MYBPC1: variants seen among roughly 807,000 people sequenced by gnomAD.
MYBPC1 encodes the protein myosin-binding protein C, slow-type.
A neutral mutation model predicts 147.1 loss-of-function variants in MYBPC1; 52 were observed. The ratio of observed to expected loss-of-function variants is 0.35; its 90% confidence interval spans 0.28 to 0.45. The LOEUF is 0.45. Among genes scored for constraint, MYBPC1 ranks in the 20% least tolerant of loss-of-function variants. The pLI, the probability that MYBPC1 is intolerant of heterozygous loss-of-function variation, is 1.00. For missense variants in MYBPC1, 1,228 were observed against 1,440.3 expected (o/e 0.85, Z 2.39); for synonymous variants, 477 against 475.9 (o/e 1.00, Z -0.03).
chr12:101,688,036 T>G (rs778363385), downstream of MYBPC1, among the ~76,000 whole-genome samples: 1 of 152,192 alleles, frequency 6.6e-6, no homozygotes, highest in Non-Finnish European at 1.5e-5. Flanking sequence ...TACTATTGGT[T>G]TTTCTATAAT....
intron 2 of MYBPC1, among the ~76,000 whole-genome samples, chr12:101,615,372 T>C (rs1280651343): frequency 6.6e-6 from 1 of 152,052 alleles, no homozygotes; most frequent in Admixed American, 6.5e-5. Flanking sequence ...TCTTCCTCCT[T>C]GAAAAGGATG....
chr12:101,673,248 C>A (rs1015093117), intron 24 of MYBPC1, among the ~76,000 whole-genome samples, 179 bp from the exon 25 acceptor site: 1 of 152,122 alleles, frequency 6.6e-6, no homozygotes, highest in Admixed American at 6.5e-5. Flanking sequence ...AAGGTAGTGC[C>A]TTGCACATAA....
rs112258762 is a variant in MYBPC1 at position 101,663,230 on chromosome 12, A to G, written c.2222-196A>G. On this transcript the variant is annotated intron_variant, in intron 21 of 31. Coordinates refer to ENST00000361466, the MANE Select transcript of MYBPC1 (RefSeq NM_002465.4). ...CTCAATTTGGAAAAAAATCCATGAC[A>G]GCATTTCCAAAATTCTCACATTGAT... 1.9e-3 allele frequency among the ~76,000 whole-genome samples: 293 copies of G among 152,308 alleles called. 5 individuals carry two copies. Among genetic ancestry groups the G allele is most frequent in the African/African-American group, 6.7e-3 (280 of 41,554 alleles).
intron 6 of MYBPC1, 121 bp downstream of exon 6, chr12:101,629,665 G>A (rs1392945961): frequency 1.4e-6 from 1 of 736,846 alleles, no homozygotes; most frequent in Non-Finnish European, 2.4e-6. Flanking sequence ...TTGAGCTCAG[G>A]AGTTCGAGAC....
intron 28 of MYBPC1, among the ~76,000 whole-genome samples, chr12:101,678,577 C>T (rs762457708): frequency 2.5e-4 from 38 of 152,160 alleles, no homozygotes; most frequent in Non-Finnish European, 4.7e-4. Context: ...AAGTAAACAA[C>T]AATCACACTA....
intron 30 of MYBPC1, among the ~76,000 whole-genome samples, chr12:101,683,308 T>C (rs770668343): frequency 1.3e-5 from 2 of 152,088 alleles, no homozygotes; most frequent in Non-Finnish European, 2.9e-5. Context: ...CACATGCCTA[T>C]AGTCCTAGCT....
chr12:101,652,541 TC>T, intron 16 of MYBPC1, 136 bp from the exon 17 acceptor site: 6 of 674,954 alleles, frequency 8.9e-6, no homozygotes, highest in East Asian at 5.5e-5. Context: ...TCTCTCTCTC[TC>T]TCTTTCTCTC....
intron 22 of MYBPC1, among the ~76,000 whole-genome samples, chr12:101,665,697 C>T (rs1897302493): frequency 6.6e-6 from 1 of 152,070 alleles, no homozygotes; most frequent in Non-Finnish European, 1.5e-5. Context: ...TTTTGTTCCC[C>T]CTCTGGTCTT....
At chr12:101,634,935 C>A (rs1019854859) in intron 9 of MYBPC1, among the ~76,000 whole-genome samples, 1 of 152,230 alleles carries the variant, frequency 6.6e-6, no homozygotes, top group Admixed American at 6.5e-5. Context: ...AAAAGAAATA[C>A]GCAAAGAGAC....
chr12:101,653,793 A>C (rs1895016296), intron 18 of MYBPC1, among the ~76,000 whole-genome samples: 1 of 152,202 alleles, frequency 6.6e-6, no homozygotes, highest in Non-Finnish European at 1.5e-5. Context: ...GGCTGGGGCA[A>C]AGTGAATGAT....
intron 26 of MYBPC1, among the ~76,000 whole-genome samples, 188 bp downstream of exon 26, chr12:101,675,619 A>G (rs1467749290): frequency 6.6e-6 from 1 of 152,226 alleles, no homozygotes; most frequent in Non-Finnish European, 1.5e-5. Flanking sequence ...GCTACTTAAG[A>G]CCACATGTAT....
chr12:101,652,666 T>C lies in MYBPC1; in HGVS notation c.1527-12T>C. ...TTGGAGTCTTAGAAATACATTTTCC[T>C]TGTTTCCTTAGGATCCACAAGTTAG... is the stretch of plus-strand genomic sequence containing the variant. On this transcript the variant is annotated splice_polypyrimidine_tract_variant and intron_variant, in intron 16 of 31. Transcript: ENST00000361466. 1 of 1,587,522 alleles carries C rather than the reference T, an allele frequency of 6.3e-7. No individual in the cohort carries two copies. Among genetic ancestry groups the C allele is most frequent in the African/African-American group, 1.3e-5 (1 of 74,368 alleles).
At chr12:101,605,579 G>T (rs370305675) in intron 1 of MYBPC1, among the ~76,000 whole-genome samples, 2 of 152,152 alleles carry the variant, frequency 1.3e-5, no homozygotes, top group African/African-American at 2.4e-5. Flanking sequence ...AATTAAAATT[G>T]GTTGGGCATG....
intron 18 of MYBPC1, among the ~76,000 whole-genome samples, chr12:101,657,491 A>G (rs1895740380): frequency 1.3e-5 from 2 of 152,242 alleles, no homozygotes; most frequent in South Asian, 4.1e-4. Context: ...AAGGCTAATT[A>G]ACAGAAATGA....
At position 101,661,232 on chromosome 12, in the gene MYBPC1, C is replaced by A. The variant is rs1896496105; in HGVS notation, c.2002C>A (p.Pro668Thr). The A allele has an allele frequency of 6.2e-7, 1 of 1,613,646 alleles. No individual in the cohort carries two copies. Among genetic ancestry groups the A allele is most frequent in the South Asian group, 1.1e-5 (1 of 91,024 alleles). ...DDWCIMNWEP[P>T]AYDGGSPILG... is the part of the protein sequence containing the mutation. ...CTGGTGTATCATGAACTGGGAGCCT[C>A]CTGCCTACGACGGAGGCTCTCCAAT... Residue 668 changes from proline to threonine, a missense_variant, in exon 20 of 32, where the codon CCT (proline) becomes ACT (threonine). Pro to Thr is a conservative substitution (Grantham distance 38, BLOSUM62 -1). Coordinates refer to ENST00000361466, the MANE Select transcript of MYBPC1 (RefSeq NM_002465.4).
chr12:101,691,929 C>T, the MYBPC1 span, among the ~76,000 whole-genome samples: 3 of 152,188 alleles, frequency 2.0e-5, no homozygotes, highest in African/African-American at 7.2e-5. Flanking sequence ...TTACAAGGTA[C>T]AAAGTGCTCT....
At position 101,664,810 on chromosome 12, in the gene MYBPC1, C is replaced by T. The variant is rs116068195; in HGVS notation, c.2356+1250C>T. On this transcript the variant is annotated intron_variant, in intron 22 of 31. Transcript: ENST00000361466. The stretch of plus-strand genomic sequence containing the variant: ...AAAGCAGTGGAAACGTCAGAAATTT[C>T]CCAGGGTTAACCCAGTAAGGGAAGG... 2.6e-3 allele frequency among the ~76,000 whole-genome samples: 394 copies of T among 152,298 alleles called. 3 individuals carry two copies. Among genetic ancestry groups the T allele is most frequent in the African/African-American group, 9.0e-3 (373 of 41,552 alleles).
intron 11 of MYBPC1, among the ~76,000 whole-genome samples, chr12:101,644,000 A>G (rs565804563): frequency 1.3e-3 from 203 of 152,306 alleles, no homozygotes; most frequent in African/African-American, 4.7e-3. Context: ...TGACACTAAC[A>G]GTAATTCTGC....
At chr12:101,668,582 T>C (rs1195271034) in intron 23 of MYBPC1, among the ~76,000 whole-genome samples, 1 of 151,762 alleles carries the variant, frequency 6.6e-6, no homozygotes, top group African/African-American at 2.4e-5. Flanking sequence ...TGCCTCAGCC[T>C]CCCAAGTAGT....
Sources: gnomAD v4.1 joint callset for allele counts (sites outside exome capture counted in the v4.1 genomes callset) on GRCh38, gnomAD v4.1.1 for gene constraint, MANE v1.5 for transcripts, NCBI Gene and HGNC (gene_info 2026-07-23, HGNC 2026-07-21) for gene names.